SETX: variants seen among roughly 807,000 people sequenced by gnomAD.
SETX encodes senataxin.
Under a neutral mutation model 227.2 loss-of-function variants are expected in SETX, and 90 were observed. That is an observed-to-expected ratio of 0.40 (90% CI 0.33 to 0.47). The LOEUF (loss-of-function observed/expected upper bound fraction) is 0.47, where lower values mean the gene tolerates loss of function less well. Ranked by LOEUF, SETX falls within the 20% of genes least tolerant of loss-of-function variation. SETX has a pLI of 0.91. For synonymous variants in SETX, 1,210 were observed against 1,113.2 expected (o/e 1.09, Z -1.73); for missense variants, 3,052 against 3,181.5 (o/e 0.96, Z 0.98).
chr9:132,338,232 C>T (rs1203950458), intron 5 of SETX, among the ~76,000 whole-genome samples: 1 of 151,688 alleles, frequency 6.6e-6, no homozygotes, highest in African/African-American at 2.4e-5. Context: ...GCTGGGATTA[C>T]AAGGGTGCAC....
intron 24 of SETX, among the ~76,000 whole-genome samples, chr9:132,270,757 A>T (rs1842866542): frequency 6.6e-6 from 1 of 152,234 alleles, no homozygotes; most frequent in African/African-American, 2.4e-5. Flanking sequence ...AAGATATTGT[A>T]GAACTAGTGT....
chr9:132,288,175 CA>C (rs35545441), intron 17 of SETX, 60 bp downstream of exon 17: 48 of 1,348,018 alleles, frequency 3.6e-5, no homozygotes, highest in Non-Finnish European at 4.3e-5. Context: ...GACTCTGTCT[CA>C]AAAAAAACTT....
At chr9:132,292,257 T>G (rs575786612) in intron 15 of SETX, among the ~76,000 whole-genome samples, 1 of 151,680 alleles carries the variant, frequency 6.6e-6, no homozygotes, top group East Asian at 1.9e-4. Context: ...GAGGAGACCC[T>G]GTCTCTACAA....
intron 5 of SETX, among the ~76,000 whole-genome samples, chr9:132,338,174 C>G (rs1014032059): frequency 6.6e-6 from 1 of 151,394 alleles, no homozygotes; most frequent in Admixed American, 6.6e-5. Flanking sequence ...TCACTGCAAC[C>G]TCTGCCTCCT....
At chr9:132,283,510 T>C in intron 18 of SETX, 97 bp from the exon 19 acceptor site, 1 of 1,434,618 alleles carries the variant, frequency 7.0e-7, no homozygotes, top group Non-Finnish European at 9.8e-7. Flanking sequence ...TTTATTAAAA[T>C]AGATTTATGA....
chr9:132,273,475 C>CT (rs1180978940), intron 23 of SETX, among the ~76,000 whole-genome samples: 1 of 152,152 alleles, frequency 6.6e-6, no homozygotes, highest in Non-Finnish European at 1.5e-5. Context: ...TTTAGGTGTT[C>CT]TTTAATTCCT....
intron 22 of SETX, among the ~76,000 whole-genome samples, chr9:132,276,302 G>A (rs915954019): frequency 6.6e-6 from 1 of 152,042 alleles, no homozygotes; most frequent in Non-Finnish European, 1.5e-5. Context: ...AAACCTTTAG[G>A]CTGCAGTCCC....
chr9:132,324,738 G>A (rs1422134817), intron 10 of SETX, among the ~76,000 whole-genome samples: 1 of 152,104 alleles, frequency 6.6e-6, no homozygotes, highest in Non-Finnish European at 1.5e-5. Flanking sequence ...CACATACTAG[G>A]CACTCAAATA....
intron 10 of SETX, among the ~76,000 whole-genome samples, chr9:132,321,802 C>G (rs571737329): frequency 1.4e-3 from 217 of 151,932 alleles, no homozygotes; most frequent in African/African-American, 5.1e-3. Flanking sequence ...GAGCCGAGAT[C>G]GTGCCACTGC....
At chr9:132,343,097 A>ATCACAAGGT (rs1376624505) in intron 4 of SETX, among the ~76,000 whole-genome samples, 10 of 152,152 alleles carry the variant, frequency 6.6e-5, no homozygotes, top group Non-Finnish European at 1.3e-4. Context: ...AGGCGGGCGG[A>ATCACAAGGT]TCACAAGGTC....
intron 10 of SETX, among the ~76,000 whole-genome samples, chr9:132,316,446 A>G (rs568321446): frequency 1.5e-4 from 23 of 152,382 alleles, no homozygotes; most frequent in African/African-American, 5.3e-4. Context: ...TAACTTTGAC[A>G]GAATAAAATC....
rs778023335 is a variant in SETX, at chr9:132,328,530, T to C, written c.3068A>G (p.Asp1023Gly). The C allele has an allele frequency of 1.1e-5, 17 of 1,614,066 alleles. No homozygotes were observed. The highest frequency in any genetic ancestry group is 1.6e-4 in the Middle Eastern group (1 of 6,062). Residue 1023 changes from aspartate to glycine, a missense_variant, in exon 10 of 26, where the codon GAT becomes GGT. Physicochemically the swap from Asp to Gly is moderately conservative, Grantham distance 94 (BLOSUM62 -1). This residue lies in a region of SETX where 1,483 missense variants were observed against 1,312.0 expected (regional missense o/e 1.13). Coordinates refer to ENST00000224140, the MANE Select transcript of SETX (RefSeq NM_015046.7). ...VIIISDSDDDDDERILSLEKL... is the reference protein window; with the variant it reads ...VIIISDSDDDGDERILSLEKL... ...CTCAAGACTCAGGATTCTTTCATCA[T>C]CATCATCATCAGAATCTGAAATAAT...
chr9:132,309,561 G>GGCGAA (rs976386494), intron 11 of SETX, among the ~76,000 whole-genome samples: 1 of 152,054 alleles, frequency 6.6e-6, no homozygotes, highest in African/African-American at 2.4e-5. Context: ...AAACCAGCTG[G>GGCGAA]GCGAGGTGGT....
Position 132,326,492 on chromosome 9 carries a change from A to G in SETX, c.5106T>C (p.Val1702=). ...LSSQSVSDTF[V]KEVLKWKYEM... is the part of the protein sequence containing the mutation. ...CATATTTCCATTTTAAGACCTCTTT[A>G]ACGAAGGTGTCAGAGACAGACTGTG... The change falls in exon 10 of 26, where the codon GTT becomes GTC. Residue 1702 remains valine (V), a synonymous_variant. Transcript: ENST00000224140. The G allele has an allele frequency of 6.2e-7, 1 of 1,614,238 alleles. No individual in the cohort carries two copies. Among genetic ancestry groups the G allele is most frequent in the Non-Finnish European group, 8.5e-7 (1 of 1,180,046 alleles).
intron 10 of SETX, among the ~76,000 whole-genome samples, chr9:132,312,328 C>A (rs986844818): frequency 5.3e-5 from 8 of 152,104 alleles, no homozygotes; most frequent in African/African-American, 1.9e-4. Context: ...TGCTCTATAC[C>A]CATCTCCCAG....
At chr9:132,275,072 TA>T in intron 23 of SETX, 183 bp downstream of exon 23, 2 of 617,346 alleles carry the variant, frequency 3.2e-6, no homozygotes, top group South Asian at 4.0e-5. Flanking sequence ...TGCCAGGAAG[TA>T]ACCTGTCTAC....
At chr9:132,333,882 A>C (rs1453405449) in intron 7 of SETX, among the ~76,000 whole-genome samples, 1 of 152,200 alleles carries the variant, frequency 6.6e-6, no homozygotes, top group Admixed American at 6.5e-5. Context: ...TAGTGGGACC[A>C]AATAACTGCA....
At chr9:132,302,591 T>C (rs979459723) in intron 11 of SETX, among the ~76,000 whole-genome samples, 30 of 126,776 alleles carry the variant, frequency 2.4e-4, no homozygotes, top group Non-Finnish European at 4.5e-4. Flanking sequence ...ACCTGGGAGG[T>C]GGAGATTGCT....
chr9:132,284,215 A>G (rs1211116069), intron 18 of SETX, among the ~76,000 whole-genome samples: 2 of 152,238 alleles, frequency 1.3e-5, no homozygotes, highest in African/African-American at 2.4e-5. Context: ...ACAACTGCTG[A>G]GCATAGTTTC....
Sources: allele counts gnomAD v4.1 joint callset (sites outside exome capture counted in the v4.1 genomes callset), GRCh38; gene constraint gnomAD v4.1.1; regional missense constraint gnomAD v4.1.1; transcripts MANE v1.5; gene names NCBI Gene and HGNC (gene_info 2026-07-23, HGNC 2026-07-21).